Variants in CDC5L observed in about 807,000 individuals in gnomAD.
CDC5L encodes cell division cycle 5-like protein.
A neutral mutation model predicts 104.1 loss-of-function variants in CDC5L; 18 were observed. The observed-to-expected ratio is 0.17, with a 90% confidence interval of 0.12 to 0.26. CDC5L has a LOEUF of 0.26. Among genes scored for constraint, CDC5L ranks in the 10% least tolerant of loss-of-function variants. CDC5L has a pLI of 1.00. For synonymous variants in CDC5L, 331 were observed against 322.7 expected (o/e 1.03, Z -0.28); for missense variants, 673 against 956.9 (o/e 0.70, Z 3.91).
intron 5 of CDC5L, 84 bp downstream of exon 5, chr6:44,396,524 G>GTTTT: frequency 2.4e-5 from 14 of 583,646 alleles, no homozygotes; most frequent in Middle Eastern, 3.5e-4. Context: ...CAGATATGTG[G>GTTTT]TTTTTTTTTT....
intron 1 of CDC5L, among the ~76,000 whole-genome samples, chr6:44,388,863 C>T (rs1466928823): frequency 2.0e-5 from 3 of 152,126 alleles, no homozygotes; most frequent in Non-Finnish European, 4.4e-5. Flanking sequence ...ATCACATCCT[C>T]TGTGTGGTAC....
At chr6:44,393,703 T>G in intron 4 of CDC5L, 130 bp downstream of exon 4, 1 of 905,622 alleles carries the variant, frequency 1.1e-6, no homozygotes, top group Non-Finnish European at 1.6e-6. Context: ...CTTGCTCTGT[T>G]ACCCAGGCTG....
chr6:44,439,413 G>A (rs1793079582), intron 14 of CDC5L, among the ~76,000 whole-genome samples: 1 of 148,668 alleles, frequency 6.7e-6, no homozygotes. Flanking sequence ...TTGAACTTCA[G>A]GGTTAGAAAA....
chr6:44,440,083 C>T (rs1793111088), intron 14 of CDC5L, among the ~76,000 whole-genome samples: 2 of 152,118 alleles, frequency 1.3e-5, no homozygotes, highest in Non-Finnish European at 2.9e-5. Flanking sequence ...AAGTAAATTG[C>T]AGAGGAATAA....
At chr6:44,440,390 C>T (rs1412442867) in intron 14 of CDC5L, among the ~76,000 whole-genome samples, 5 of 151,314 alleles carry the variant, frequency 3.3e-5, no homozygotes, top group Non-Finnish European at 4.4e-5. Flanking sequence ...TACAGGTATG[C>T]ACCACCATGC....
intron 12 of CDC5L, 47 bp from the exon 13 acceptor site, chr6:44,426,435 A>T (rs1368725036): frequency 9.2e-7 from 1 of 1,092,432 alleles, no homozygotes; most frequent in South Asian, 1.4e-5. Context: ...TAACATTAAT[A>T]TATTATAGTG....
intron 14 of CDC5L, among the ~76,000 whole-genome samples, chr6:44,439,678 A>G (rs570253466): frequency 3.8e-4 from 58 of 152,338 alleles, no homozygotes; most frequent in South Asian, 1.2e-3. Flanking sequence ...GGAAAAGAGC[A>G]AAATGTTTGA....
At position 44,424,575 on chromosome 6, in the gene CDC5L, C is replaced by T; in HGVS notation, c.1561C>T (p.Arg521Ter). ...YIEDAADVDARKQAIRDAERV... is the reference protein window; with the variant it reads ...YIEDAADVDA ...TGAAGATGCTGCTGATGTGGATGCTCGAAAGCAGGTGGGTAACTGTACTGA... is the reference window on the plus strand; with the variant it reads ...TGAAGATGCTGCTGATGTGGATGCTTGAAAGCAGGTGGGTAACTGTACTGA... Residue 521 changes from arginine (R) to a stop codon, truncating the protein, a stop_gained, in exon 11 of 16, where the codon CGA (arginine) becomes TGA (stop). Transcript: ENST00000371477. LOFTEE classifies it high-confidence loss of function. 6.2e-7 allele frequency: 1 copy of T among 1,613,620 alleles called. No homozygotes were observed. The highest frequency in any genetic ancestry group is 8.5e-7 in the Non-Finnish European group (1 of 1,179,796).
intron 8 of CDC5L, among the ~76,000 whole-genome samples, chr6:44,409,960 A>G (rs1281526932): frequency 1.3e-5 from 2 of 151,792 alleles, no homozygotes; most frequent in Non-Finnish European, 2.9e-5. Context: ...ATTGATAAGG[A>G]AAAATTGTAT....
intron 9 of CDC5L, among the ~76,000 whole-genome samples, 184 bp downstream of exon 9, chr6:44,419,781 C>A (rs555673890): frequency 1.3e-5 from 2 of 152,030 alleles, no homozygotes; most frequent in South Asian, 2.1e-4. Flanking sequence ...TGCCTCCCCC[C>A]CTTTCTTTAA....
chr6:44,445,568 A>G (rs1191595744), intron 14 of CDC5L, 87 bp from the exon 15 acceptor site: 1 of 842,024 alleles, frequency 1.2e-6, no homozygotes, highest in Non-Finnish European at 1.9e-6. Flanking sequence ...TGAGACACAT[A>G]CATGAACGCA....
chr6:44,445,630 G>A (rs1561982367), intron 14 of CDC5L, 25 bp from the exon 15 acceptor site: 1 of 1,557,212 alleles, frequency 6.4e-7, no homozygotes, highest in Non-Finnish European at 8.8e-7. Flanking sequence ...CATGTATGCT[G>A]ATGTGATCTT....
chr6:44,413,496 T>A (rs958315163), intron 8 of CDC5L, among the ~76,000 whole-genome samples: 1 of 152,212 alleles, frequency 6.6e-6, no homozygotes, highest in African/African-American at 2.4e-5. Flanking sequence ...CTTGCATAGA[T>A]ACCTAGGAAT....
chr6:44,399,420 A>C (rs1791017098), intron 5 of CDC5L, among the ~76,000 whole-genome samples: 1 of 152,106 alleles, frequency 6.6e-6, no homozygotes, highest in Non-Finnish European at 1.5e-5. Context: ...ATATATCTTC[A>C]AATATTTAAT....
chr6:44,443,871 A>T (rs925319922), intron 14 of CDC5L, among the ~76,000 whole-genome samples: 6 of 141,584 alleles, frequency 4.2e-5, no homozygotes, highest in Admixed American at 7.0e-5. Flanking sequence ...TTTGGAATAT[A>T]TTTTCCTATT....
chr6:44,408,172 A>G (rs950042106), intron 7 of CDC5L, among the ~76,000 whole-genome samples: 2 of 152,144 alleles, frequency 1.3e-5, no homozygotes, highest in African/African-American at 4.8e-5. Flanking sequence ...GATGAGTACT[A>G]CTGTGAACTT....
chr6:44,387,999 C>G, intron 1 of CDC5L, 131 bp downstream of exon 1: 1 of 757,676 alleles, frequency 1.3e-6, no homozygotes, highest in Non-Finnish European at 2.1e-6. Flanking sequence ...GGGGCTGACC[C>G]TTGGGGCCCT....
At chr6:44,443,170 A>G (rs1397402977) in intron 14 of CDC5L, among the ~76,000 whole-genome samples, 1 of 142,072 alleles carries the variant, frequency 7.0e-6, no homozygotes, top group Non-Finnish European at 1.5e-5. Flanking sequence ...TCTATTTTTA[A>G]ATATATCATC....
At chr6:44,422,442 G>A (rs1435706397) in intron 9 of CDC5L, among the ~76,000 whole-genome samples, 1 of 152,150 alleles carries the variant, frequency 6.6e-6, no homozygotes, top group Non-Finnish European at 1.5e-5. Flanking sequence ...ATTATTGTAA[G>A]TCAGTAAAAT....
Sources: gnomAD v4.1 joint callset for allele counts (sites outside exome capture counted in the v4.1 genomes callset) on GRCh38, gnomAD v4.1.1 for gene constraint, MANE v1.5 for transcripts, NCBI Gene and HGNC (gene_info 2026-07-23, HGNC 2026-07-21) for gene names.